TMEM30A: variants seen among roughly 807,000 people sequenced by gnomAD.
TMEM30A encodes the protein cell cycle control protein 50A.
A neutral mutation model predicts 38.2 loss-of-function variants in TMEM30A; 24 were observed. The ratio of observed to expected loss-of-function variants is 0.63; its 90% CI spans 0.46 to 0.88. TMEM30A has a LOEUF of 0.88. TMEM30A is among the 40% of genes least tolerant of loss of function. The pLI, the probability that TMEM30A is intolerant of heterozygous loss-of-function variation, is 0.00. For missense variants in TMEM30A, 370 were observed against 458.6 expected (o/e 0.81, Z 1.77); for synonymous variants, 145 against 161.6 (o/e 0.90, Z 0.78).
chr6:75,256,505 C>A (rs1230757970), intron 6 of TMEM30A, among the ~76,000 whole-genome samples: 1 of 151,806 alleles, frequency 6.6e-6, no homozygotes, highest in Non-Finnish European at 1.5e-5. Context: ...TAGTAAAAGC[C>A]AAAATATTTT....
At chr6:75,259,965 A>C (rs529160948) in intron 4 of TMEM30A, among the ~76,000 whole-genome samples, 1 of 152,348 alleles carries the variant, frequency 6.6e-6, no homozygotes, top group East Asian at 1.9e-4. Context: ...ACTTAGTATA[A>C]AAAATTAGAA....
At chr6:75,259,310 T>C (rs1212128499) in intron 5 of TMEM30A, 37 bp downstream of exon 5, 1 of 1,569,104 alleles carries the variant, frequency 6.4e-7, no homozygotes, top group Non-Finnish European at 8.6e-7. Flanking sequence ...TTAAAACTCC[T>C]AGTTTAATTT....
chr6:75,258,710 A>C (rs1310873759), intron 6 of TMEM30A, 70 bp downstream of exon 6: 1 of 1,374,254 alleles, frequency 7.3e-7, no homozygotes, highest in Non-Finnish European at 1.0e-6. Context: ...CATGCCACAT[A>C]ACAGATATAA....
chr6:75,258,988 T>G lies in TMEM30A; in HGVS notation c.686-2A>C. 6.2e-7 allele frequency: 1 copy of G among 1,612,434 alleles called. No individual in the cohort carries two copies. The highest frequency in any genetic ancestry group is 8.5e-7 in the Non-Finnish European group (1 of 1,179,438). ...GCCAGTTCACAGGCTTTGTTGTACC[T>G]TAAAAGGAGTGGGGAGGGGATAAGG... On this transcript the variant is annotated splice_acceptor_variant, in intron 5 of 6. Transcript: ENST00000230461. LOFTEE classifies it high-confidence loss of function.
intron 1 of TMEM30A, among the ~76,000 whole-genome samples, chr6:75,279,817 T>C (rs947162381): frequency 6.6e-6 from 1 of 152,156 alleles, no homozygotes; most frequent in Admixed American, 6.5e-5. Flanking sequence ...TTACACTATA[T>C]AGGAAAACGA....
At chr6:75,277,305 C>CAAA (rs60419282) in intron 1 of TMEM30A, among the ~76,000 whole-genome samples, 2 of 91,662 alleles carry the variant, frequency 2.2e-5, no homozygotes, top group African/African-American at 7.8e-5. Context: ...TGTCCTCATC[C>CAAA]AAAAAAAAAA....
At chr6:75,262,042 G>A (rs551706215) in intron 3 of TMEM30A, among the ~76,000 whole-genome samples, 2 of 152,162 alleles carry the variant, frequency 1.3e-5, no homozygotes, top group Non-Finnish European at 2.9e-5. Flanking sequence ...GCATTAACTG[G>A]CTTACAAAAG....
intron 5 of TMEM30A, 68 bp from the exon 6 acceptor site, chr6:75,259,054 C>T: frequency 6.6e-6 from 9 of 1,358,638 alleles, no homozygotes; most frequent in Non-Finnish European, 1.0e-6. Flanking sequence ...GGCGGAGAAA[C>T]GAATAAATTT....
intron 1 of TMEM30A, among the ~76,000 whole-genome samples, chr6:75,282,895 C>G (rs1368473144): frequency 6.6e-6 from 1 of 152,178 alleles, no homozygotes; most frequent in African/African-American, 2.4e-5. Context: ...TTAAAACCAG[C>G]TCTGCCTGAC....
At position 75,279,421 on chromosome 6, in the gene TMEM30A, T is replaced by C. The variant is rs562942864; in HGVS notation, c.237+4981A>G. On this transcript the variant is annotated intron_variant, in intron 1 of 6. Transcript: ENST00000230461. The stretch of plus-strand genomic sequence containing the variant: ...GGTTGTAACAACTTTATTCAAAAAA[T>C]AAAGTTCACACTAAAGCACATAGTT... Among the ~76,000 whole-genome samples, 14 of 152,132 alleles carry C rather than the reference T, an allele frequency of 9.2e-5. 1 individual carries two copies. Among genetic ancestry groups the C allele is most frequent in the African/African-American group, 2.6e-4 (11 of 41,514 alleles).
intron 2 of TMEM30A, 86 bp downstream of exon 2, chr6:75,267,555 G>A: frequency 1.1e-6 from 1 of 909,882 alleles, no homozygotes; most frequent in South Asian, 2.3e-5. Context: ...CTCTATAAAA[G>A]GAAAATACCT....
intron 4 of TMEM30A, 101 bp from the exon 5 acceptor site, chr6:75,259,591 G>T (rs1771930529): frequency 8.9e-7 from 1 of 1,120,580 alleles, no homozygotes. Context: ...GTTTCCAAAA[G>T]TGGTTGTGAC....
chr6:75,277,163 C>G (rs576025890), intron 1 of TMEM30A, among the ~76,000 whole-genome samples: 1 of 152,028 alleles, frequency 6.6e-6, no homozygotes, highest in Non-Finnish European at 1.5e-5. Flanking sequence ...GCAATAAGCA[C>G]GGACCCTTCT....
At chr6:75,256,373 T>C in intron 6 of TMEM30A, 78 bp from the exon 7 acceptor site, 2 of 1,289,112 alleles carry the variant, frequency 1.6e-6, no homozygotes, top group Non-Finnish European at 2.2e-6. Context: ...TGCCATTTAA[T>C]TGTTGGTAAT....
chr6:75,264,617 T>C (rs570417389), intron 3 of TMEM30A, among the ~76,000 whole-genome samples: 22 of 150,194 alleles, frequency 1.5e-4, no homozygotes, highest in Admixed American at 3.3e-4. Flanking sequence ...GTCTGGGCAA[T>C]AGAGTGAGAC....
chr6:75,270,559 T>A (rs1261845516), intron 1 of TMEM30A, among the ~76,000 whole-genome samples: 3 of 152,062 alleles, frequency 2.0e-5, no homozygotes, highest in African/African-American at 7.2e-5. Context: ...ATGGCAGCCA[T>A]CTACAAGCCT....
chr6:75,277,726 G>A (rs571664106), intron 1 of TMEM30A, among the ~76,000 whole-genome samples: 2 of 152,238 alleles, frequency 1.3e-5, no homozygotes, highest in South Asian at 2.1e-4. Context: ...GCAACCAAGC[G>A]AGACCCCCAT....
intron 1 of TMEM30A, among the ~76,000 whole-genome samples, chr6:75,277,206 G>A (rs1772276891): frequency 1.4e-5 from 2 of 147,080 alleles, no homozygotes; most frequent in African/African-American, 2.5e-5. Flanking sequence ...GAGAATACAG[G>A]AAACTACAGG....
chr6:75,270,724 G>GT (rs1328193519), intron 1 of TMEM30A, among the ~76,000 whole-genome samples: 4 of 152,194 alleles, frequency 2.6e-5, no homozygotes, highest in African/African-American at 9.6e-5. Context: ...TTGGTAAGGT[G>GT]TAACATTTAG....
Sources: allele counts gnomAD v4.1 joint callset (sites outside exome capture counted in the v4.1 genomes callset), GRCh38; gene constraint gnomAD v4.1.1; transcripts MANE v1.5; gene names NCBI Gene and HGNC (gene_info 2026-07-23, HGNC 2026-07-21).